Variants in SLC71A1 observed in about 807,000 individuals in gnomAD.
SLC71A1 encodes the protein solute carrier family 71 member 1, also known as hippocampus abundant gene transcript 1.
At chr1:100,044,397 GTTTT>G in the SLC71A1 span, among the ~76,000 whole-genome samples, 1 of 148,102 alleles carries the variant, frequency 6.8e-6, no homozygotes, top group African/African-American at 2.5e-5. Context: ...GGGATTGTTT[GTTTT>G]TTTTCTTGCT....
the SLC71A1 span, among the ~76,000 whole-genome samples, chr1:100,051,085 C>CAAA: frequency 2.3e-5 from 2 of 86,502 alleles, no homozygotes. Flanking sequence ...AACCTTGTCT[C>CAAA]AAAAAAAAAA....
chr1:100,083,147 A>C, the SLC71A1 span: 1 of 152,434 alleles, frequency 6.6e-6, no homozygotes, highest in African/African-American at 2.4e-5. Context: ...ACCGATGTGA[A>C]TTTCTCTAAA....
the SLC71A1 span, among the ~76,000 whole-genome samples, chr1:100,051,295 G>A: frequency 2.6e-5 from 4 of 152,110 alleles, no homozygotes; most frequent in South Asian, 2.1e-4. Flanking sequence ...GGAGGCTGAG[G>A]CAGGAGAATC....
chr1:100,051,085 C>CA, the SLC71A1 span, among the ~76,000 whole-genome samples: 9,684 of 86,176 alleles, frequency 0.11, 433 homozygotes, highest in African/African-American at 0.2. Flanking sequence ...AACCTTGTCT[C>CA]AAAAAAAAAA....
the SLC71A1 span, among the ~76,000 whole-genome samples, chr1:100,067,648 T>TA: frequency 0.01 from 1,583 of 152,026 alleles, 14 homozygotes; most frequent in Middle Eastern, 0.058. Context: ...TCCACCTCTA[T>TA]AAAAAATAAA....
chr1:100,070,336 G>T, the SLC71A1 span, among the ~76,000 whole-genome samples: 2 of 152,208 alleles, frequency 1.3e-5, no homozygotes, highest in African/African-American at 4.8e-5. Flanking sequence ...ACTGTAGCTG[G>T]CTTGTGTAAG....
At chr1:100,078,687 G>GGAC in the SLC71A1 span, 1 of 589,038 alleles carries the variant, frequency 1.7e-6, no homozygotes, top group Non-Finnish European at 3.0e-6. Flanking sequence ...AACAGGAAAA[G>GGAC]CAGATTCTAG....
the SLC71A1 span, among the ~76,000 whole-genome samples, chr1:100,039,260 C>T: frequency 6.6e-6 from 1 of 152,214 alleles, no homozygotes; most frequent in Non-Finnish European, 1.5e-5. Flanking sequence ...ATATGTTTCA[C>T]TTACCTGAAG....
At chr1:100,038,198 T>C in the SLC71A1 span, 1 of 1,532,486 alleles carries the variant, frequency 6.5e-7, no homozygotes, top group South Asian at 1.2e-5. Context: ...GCCCCGGGAG[T>C]GGCTGCAGCA....
the SLC71A1 span, chr1:100,061,836 T>C: frequency 6.3e-7 from 1 of 1,579,846 alleles, no homozygotes; most frequent in Non-Finnish European, 8.7e-7. Context: ...CATTCCTAGG[T>C]GGTACTTTGC....
chr1:100,053,810 C>A, the SLC71A1 span, among the ~76,000 whole-genome samples: 3 of 152,120 alleles, frequency 2.0e-5, no homozygotes, highest in Non-Finnish European at 2.9e-5. Context: ...CCTCTACCAA[C>A]AAGGGGATTT....
At chr1:100,078,360 T>G in the SLC71A1 span, 3 of 829,266 alleles carry the variant, frequency 3.6e-6, no homozygotes, top group East Asian at 5.1e-5. Context: ...TCTACAGCCA[T>G]TTCACAGTAA....
the SLC71A1 span, among the ~76,000 whole-genome samples, chr1:100,065,049 T>C: frequency 6.6e-6 from 1 of 151,994 alleles, no homozygotes; most frequent in Non-Finnish European, 1.5e-5. Flanking sequence ...AATTTTTGTA[T>C]GTTTTGTAGT....
At chr1:100,051,533 A>G in the SLC71A1 span, among the ~76,000 whole-genome samples, 2 of 150,984 alleles carry the variant, frequency 1.3e-5, no homozygotes, top group Non-Finnish European at 2.9e-5. Flanking sequence ...TCCTGGCTTC[A>G]TAATCCAAGT....
the SLC71A1 span, chr1:100,077,130 C>G: frequency 9.7e-7 from 1 of 1,035,146 alleles, no homozygotes; most frequent in East Asian, 2.5e-5. Flanking sequence ...CTTTTTAAAA[C>G]TTTATTCTGA....
the SLC71A1 span, among the ~76,000 whole-genome samples, chr1:100,066,715 C>T: frequency 4.6e-5 from 7 of 152,118 alleles, no homozygotes; most frequent in Non-Finnish European, 7.4e-5. Flanking sequence ...ATAGGCCGGG[C>T]ATGGTGGCTC....
At chr1:100,066,190 A>G in the SLC71A1 span, among the ~76,000 whole-genome samples, 3 of 152,326 alleles carry the variant, frequency 2.0e-5, no homozygotes, top group East Asian at 3.9e-4. Flanking sequence ...TAACCCTGCC[A>G]ACTAAAAAGA....
At chr1:100,038,173 C>CT in the SLC71A1 span, 1 of 1,450,278 alleles carries the variant, frequency 6.9e-7, no homozygotes, top group Non-Finnish European at 9.5e-7. Flanking sequence ...ACGGCACTAG[C>CT]TGCTGGGGCC....
chr1:100,046,212 G>GTTTTTTTTTTTTTTTT, the SLC71A1 span, among the ~76,000 whole-genome samples: 7 of 54,078 alleles, frequency 1.3e-4, 1 homozygote, highest in Non-Finnish European at 2.1e-4. Flanking sequence ...TCCAAGCCTC[G>GTTTTTTTTTTTTTTTT]TTTTTTTTTT....
Sources: gnomAD v4.1 joint callset for allele counts (sites outside exome capture counted in the v4.1 genomes callset) on GRCh38, gnomAD v4.1.1 for gene constraint, MANE v1.5 for transcripts, NCBI Gene and HGNC (gene_info 2026-07-23, HGNC 2026-07-21) for gene names.